The following CDH4 variants were observed in gnomAD, a reference collection of about 807,000 sequenced individuals.
The protein encoded by CDH4 is cadherin 4.
A neutral mutation model predicts 86.0 loss-of-function variants in CDH4; 33 were observed. That is an observed-to-expected ratio of 0.38 (90% confidence interval 0.29 to 0.51). The LOEUF is 0.51. CDH4 is among the 20% of genes least tolerant of loss of function. The probability of loss-of-function intolerance (pLI) is 0.86; values close to 1 mark genes in which losing one functional copy is unlikely to be tolerated. For missense variants in CDH4, 1,114 were observed against 1,307.4 expected, an observed-to-expected ratio of 0.85 and a Z score of 2.28; for synonymous variants, 555 against 549.4, an observed-to-expected ratio of 1.01 and a Z score of -0.14.
intron 2 of CDH4, among the ~76,000 whole-genome samples, chr20:61,343,050 T>A (rs928497388): frequency 6.6e-6 from 1 of 152,188 alleles, no homozygotes; most frequent in African/African-American, 2.4e-5. Context: ...ACAGATGACC[T>A]CACTGGTTAT....
At chr20:61,274,140 A>C (rs1184552987) in intron 2 of CDH4, among the ~76,000 whole-genome samples, 5 of 112,468 alleles carry the variant, frequency 4.4e-5, no homozygotes, top group Non-Finnish European at 8.6e-5. Context: ...TACCATGCGT[A>C]GTTTGGGGAA....
At chr20:61,665,868 G>A (rs1023514004) in intron 2 of CDH4, among the ~76,000 whole-genome samples, 7 of 152,186 alleles carry the variant, frequency 4.6e-5, no homozygotes, top group African/African-American at 1.7e-4. Context: ...TCTGCCAAGC[G>A]ATATTGGCTG....
intron 7 of CDH4, among the ~76,000 whole-genome samples, chr20:61,891,728 C>T (rs1047039659): frequency 6.6e-6 from 1 of 152,228 alleles, no homozygotes; most frequent in African/African-American, 2.4e-5. Flanking sequence ...GGTGGGAGGC[C>T]TTGTGGAACA....
At chr20:61,678,071 G>A (rs1195335027) in intron 2 of CDH4, among the ~76,000 whole-genome samples, 1 of 152,014 alleles carries the variant, frequency 6.6e-6, no homozygotes, top group African/African-American at 2.4e-5. Flanking sequence ...GATGCTGCAT[G>A]CATACACACA....
intron 4 of CDH4, among the ~76,000 whole-genome samples, chr20:61,828,281 C>T (rs143389390): frequency 1.1e-3 from 169 of 152,256 alleles, no homozygotes; most frequent in African/African-American, 3.8e-3. Flanking sequence ...ACGAAAGCAC[C>T]CACCACCCGC....
chr20:61,739,347 T>G (rs1307444061), intron 2 of CDH4, among the ~76,000 whole-genome samples: 2 of 152,174 alleles, frequency 1.3e-5, no homozygotes, highest in African/African-American at 4.8e-5. Flanking sequence ...TTGCCCCTAC[T>G]TCACCCTGAC....
intron 7 of CDH4, among the ~76,000 whole-genome samples, chr20:61,875,256 C>T (rs990153807): frequency 1.3e-5 from 2 of 152,166 alleles, no homozygotes; most frequent in Admixed American, 1.3e-4. Flanking sequence ...CTGGGAAGAG[C>T]ACAAAGGGGA....
chr20:61,363,267 A>G (rs531569534), intron 2 of CDH4, among the ~76,000 whole-genome samples: 1 of 152,180 alleles, frequency 6.6e-6, no homozygotes, highest in East Asian at 1.9e-4. Flanking sequence ...TGCTCAACAA[A>G]TATTTGCTCA....
At chr20:61,293,839 C>T (rs905451157) in intron 2 of CDH4, among the ~76,000 whole-genome samples, 3 of 152,198 alleles carry the variant, frequency 2.0e-5, no homozygotes, top group African/African-American at 4.8e-5. Context: ...TGGCCCCTCA[C>T]CAGGGTGGCA....
At chr20:61,932,057 C>T (rs1191476776) in intron 13 of CDH4, among the ~76,000 whole-genome samples, 1 of 152,150 alleles carries the variant, frequency 6.6e-6, no homozygotes, top group Non-Finnish European at 1.5e-5. Context: ...CCTATCCTCC[C>T]AGGGCAGAGC....
chr20:61,474,060 G>C (rs538049735), intron 2 of CDH4, among the ~76,000 whole-genome samples: 1 of 151,786 alleles, frequency 6.6e-6, no homozygotes, highest in South Asian at 2.1e-4. Flanking sequence ...CTGTTCTGCT[G>C]ACAGCCACAG....
At chr20:61,502,671 G>T (rs138687976) in intron 2 of CDH4, among the ~76,000 whole-genome samples, 1 of 152,146 alleles carries the variant, frequency 6.6e-6, no homozygotes, top group Non-Finnish European at 1.5e-5. Context: ...GCTTCCTGGC[G>T]TCCAAAGGAT....
chr20:61,762,749 C>A (rs546238631), intron 3 of CDH4, among the ~76,000 whole-genome samples: 110 of 152,222 alleles, frequency 7.2e-4, no homozygotes, highest in Non-Finnish European at 1.2e-3. Context: ...CTCAGCATTG[C>A]GGGTTCACAG....
chr20:61,302,194 C>T (rs1013939772), intron 2 of CDH4, among the ~76,000 whole-genome samples: 4 of 152,192 alleles, frequency 2.6e-5, no homozygotes, highest in Non-Finnish European at 5.9e-5. Flanking sequence ...AGCTCATGGT[C>T]GAGCCCTCAC....
intron 2 of CDH4, among the ~76,000 whole-genome samples, chr20:61,396,300 C>T (rs906825938): frequency 2.0e-5 from 3 of 152,106 alleles, no homozygotes; most frequent in South Asian, 2.1e-4. Context: ...CCTTGAAGAC[C>T]GAGGTCGAGG....
chr20:61,352,438 C>T (rs2084718176), intron 2 of CDH4, among the ~76,000 whole-genome samples: 1 of 152,240 alleles, frequency 6.6e-6, no homozygotes, highest in Middle Eastern at 3.2e-3. Context: ...GTGAGCACGT[C>T]TGAAAATGTG....
intron 2 of CDH4, among the ~76,000 whole-genome samples, chr20:61,273,454 G>A (rs2084199018): frequency 1.4e-5 from 1 of 73,314 alleles, no homozygotes; most frequent in African/African-American, 5.3e-5. Context: ...TGCAGTTTGG[G>A]GGAGGACCAT....
chr20:61,521,844 G>A (rs1025248109), intron 2 of CDH4, among the ~76,000 whole-genome samples: 76 of 152,228 alleles, frequency 5.0e-4, no homozygotes, highest in Non-Finnish European at 1.1e-3. Context: ...AACAGGCAGT[G>A]CAACGGCCGG....
intron 1 of CDH4, 86 bp from the exon 2 acceptor site, chr20:61,254,740 T>C: frequency 1.1e-6 from 1 of 902,196 alleles, no homozygotes; most frequent in Non-Finnish European, 1.8e-6. Flanking sequence ...GCCAGAGACC[T>C]TTTACACAGC....
Sources: gnomAD v4.1 joint callset for allele counts (sites outside exome capture counted in the v4.1 genomes callset) on GRCh38, gnomAD v4.1.1 for gene constraint, MANE v1.5 for transcripts, NCBI Gene and HGNC (gene_info 2026-07-23, HGNC 2026-07-21) for gene names.